Variants in UBE2E2 observed in about 807,000 individuals in gnomAD.
UBE2E2 encodes ubiquitin conjugating enzyme E2 E2.
UBE2E2 carries 6 observed loss-of-function variants against 24.7 expected under a neutral mutation model. The ratio of observed to expected loss-of-function variants is 0.24; its 90% CI spans 0.13 to 0.48. The LOEUF is 0.48. Ranked by LOEUF, UBE2E2 falls within the 20% of genes least tolerant of loss-of-function variation. UBE2E2 has a pLI of 0.99. For missense variants in UBE2E2, 169 were observed against 245.0 expected, an observed-to-expected ratio of 0.69 and a Z score of 2.07; for synonymous variants, 104 against 83.6, an observed-to-expected ratio of 1.24 and a Z score of -1.33.
chr3:23,456,923 A>G (rs1162417557), intron 3 of UBE2E2, among the ~76,000 whole-genome samples: 2 of 152,196 alleles, frequency 1.3e-5, no homozygotes, highest in African/African-American at 2.4e-5. Flanking sequence ...TTCCAAAAGA[A>G]GGCTGTTTGT....
At chr3:23,438,166 A>G (rs1350932933) in intron 3 of UBE2E2, among the ~76,000 whole-genome samples, 1 of 152,212 alleles carries the variant, frequency 6.6e-6, no homozygotes, top group East Asian at 1.9e-4. Context: ...GTGGGACTTC[A>G]GTGAGTAAAG....
At chr3:23,544,931 G>T in intron 5 of UBE2E2, among the ~76,000 whole-genome samples, 1 of 152,148 alleles carries the variant, frequency 6.6e-6, no homozygotes, top group Non-Finnish European at 1.5e-5. Flanking sequence ...GTGAACAAAG[G>T]TCTTTGCATC....
At chr3:23,386,578 C>T (rs998329311) in intron 3 of UBE2E2, among the ~76,000 whole-genome samples, 1 of 152,130 alleles carries the variant, frequency 6.6e-6, no homozygotes, top group African/African-American at 2.4e-5. Flanking sequence ...CAAACCAGAA[C>T]AATTCAGCTA....
chr3:23,495,630 A>G (rs1699583212), intron 3 of UBE2E2, among the ~76,000 whole-genome samples: 1 of 152,174 alleles, frequency 6.6e-6, no homozygotes, highest in South Asian at 2.1e-4. Flanking sequence ...TCCTTCTGAT[A>G]AGCTTATCTA....
intron 5 of UBE2E2, among the ~76,000 whole-genome samples, chr3:23,556,140 CTTTTTTTTTTTTTTTT>C (rs71057604): frequency 1.1e-5 from 1 of 92,332 alleles, no homozygotes; most frequent in Non-Finnish European, 2.0e-5. Context: ...AATATACAAA[CTTTTTTTTTTTTTTTT>C]TTTTTTTGAG....
At chr3:23,296,175 G>A (rs898181004) in intron 3 of UBE2E2, among the ~76,000 whole-genome samples, 3 of 151,966 alleles carry the variant, frequency 2.0e-5, no homozygotes, top group East Asian at 1.9e-4. Context: ...AGTTCAGCTC[G>A]GGGAGCTTTC....
chr3:23,397,041 A>C (rs906866159), intron 3 of UBE2E2, among the ~76,000 whole-genome samples: 2 of 152,186 alleles, frequency 1.3e-5, no homozygotes, highest in Non-Finnish European at 1.5e-5. Flanking sequence ...TTTCCAGTGT[A>C]TGATTATGCC....
intron 3 of UBE2E2, among the ~76,000 whole-genome samples, chr3:23,265,946 T>G (rs1203053874): frequency 6.6e-6 from 1 of 152,220 alleles, no homozygotes; most frequent in Non-Finnish European, 1.5e-5. Context: ...AAAGTCTGTT[T>G]TATCAGAGAC....
intron 3 of UBE2E2, among the ~76,000 whole-genome samples, chr3:23,435,953 A>C (rs554919962): frequency 6.6e-6 from 1 of 152,108 alleles, no homozygotes; most frequent in Admixed American, 6.5e-5. Context: ...CAGATCATCA[A>C]GCGTTAGTTA....
At chr3:23,294,705 T>C (rs1698863457) in intron 3 of UBE2E2, among the ~76,000 whole-genome samples, 1 of 139,212 alleles carries the variant, frequency 7.2e-6, no homozygotes, top group Non-Finnish European at 1.6e-5. Context: ...ATTTATATAA[T>C]ATATTATAAA....
intron 3 of UBE2E2, among the ~76,000 whole-genome samples, chr3:23,354,547 C>A (rs1481116781): frequency 3.9e-5 from 6 of 152,016 alleles, no homozygotes; most frequent in Admixed American, 1.3e-4. Context: ...AAAAAAACAA[C>A]CCCATCAAAA....
At chr3:23,223,568 A>G (rs1277535241) in intron 3 of UBE2E2, among the ~76,000 whole-genome samples, 1 of 152,074 alleles carries the variant, frequency 6.6e-6, no homozygotes, top group African/African-American at 2.4e-5. Flanking sequence ...TCTGGTTACT[A>G]ATCCCTTGTC....
intron 3 of UBE2E2, among the ~76,000 whole-genome samples, chr3:23,485,220 CA>C (rs1699339160): frequency 6.6e-6 from 1 of 151,556 alleles, no homozygotes; most frequent in Non-Finnish European, 1.5e-5. Context: ...CTCAGCCTCC[CA>C]AGTAGCTGGG....
chr3:23,498,058 TATG>T (rs1445096928), intron 3 of UBE2E2, among the ~76,000 whole-genome samples: 1 of 152,224 alleles, frequency 6.6e-6, no homozygotes, highest in Non-Finnish European at 1.5e-5. Flanking sequence ...GCATTTTTCA[TATG>T]ATTATTGGCC....
chr3:23,531,568 C>G (rs1377582955), intron 4 of UBE2E2, among the ~76,000 whole-genome samples: 1 of 152,106 alleles, frequency 6.6e-6, no homozygotes, highest in African/African-American at 2.4e-5. Context: ...CAGTGGTGAT[C>G]TAGCTATCAC....
At chr3:23,224,156 G>GTTTTTTTTTTTTTTTTTTTTTTTTTT (rs531661466) in intron 3 of UBE2E2, among the ~76,000 whole-genome samples, 1 of 93,718 alleles carries the variant, frequency 1.1e-5, no homozygotes, top group African/African-American at 4.0e-5. Flanking sequence ...TAAATTTTAG[G>GTTTTTTTTTTTTTTTTTTTTTTTTTT]TTTTTTTTTT....
At chr3:23,274,635 G>C (rs1698336287) in intron 3 of UBE2E2, among the ~76,000 whole-genome samples, 3 of 152,078 alleles carry the variant, frequency 2.0e-5, no homozygotes, top group African/African-American at 7.2e-5. Flanking sequence ...CCAAAGTGCT[G>C]GGATTACAGG....
intron 3 of UBE2E2, among the ~76,000 whole-genome samples, chr3:23,360,166 A>G (rs1194945940): frequency 6.6e-6 from 1 of 152,344 alleles, no homozygotes; most frequent in East Asian, 1.9e-4. Context: ...GTAAGACATC[A>G]TTATTATAGC....
intron 3 of UBE2E2, among the ~76,000 whole-genome samples, chr3:23,445,573 T>A (rs1341650371): frequency 6.6e-6 from 1 of 152,252 alleles, no homozygotes; most frequent in Non-Finnish European, 1.5e-5. Context: ...TGAATAAGGC[T>A]GCAGTGCAAC....
Sources: allele counts gnomAD v4.1 joint callset (sites outside exome capture counted in the v4.1 genomes callset), GRCh38; gene constraint gnomAD v4.1.1; transcripts MANE v1.5; gene names NCBI Gene and HGNC (gene_info 2026-07-23, HGNC 2026-07-21).